GAREM2: variants seen among roughly 807,000 people sequenced by gnomAD.
GAREM2 encodes the protein GRB2 associated regulator of MAPK1 subtype 2.
GAREM2 carries 30 observed loss-of-function variants against 55.6 expected under a neutral mutation model. The observed-to-expected ratio is 0.54, with a 90% confidence interval of 0.40 to 0.73. GAREM2 has a LOEUF of 0.73. Ranked by LOEUF, GAREM2 falls within the 30% of genes least tolerant of loss-of-function variation. The pLI, the probability that GAREM2 is intolerant of heterozygous loss-of-function variation, is 0.00. For missense variants in GAREM2, 1,075 were observed against 1,257.7 expected (o/e 0.85, Z 2.20); for synonymous variants, 550 against 569.1 (o/e 0.97, Z 0.48).
chr2:26,194,898 T>C, the GAREM2 span, among the ~76,000 whole-genome samples: 1 of 151,894 alleles, frequency 6.6e-6, no homozygotes, highest in Non-Finnish European at 1.5e-5. Context: ...CCCTGCCACA[T>C]CCTAGATACT....
In GAREM2 at chr2:26,189,130, A is replaced by G. The variant is rs1215570918; in HGVS notation, c.*873A>G. Reference sequence around the variant, plus strand: ...AGCAAGCGGTAGTCAACCACCTCCAATTCCGCCAATCTCTTGCCCCCATCA... The same window carrying G: ...AGCAAGCGGTAGTCAACCACCTCCAGTTCCGCCAATCTCTTGCCCCCATCA... On this transcript the variant is annotated 3_prime_UTR_variant, in exon 6 of 6. Transcript: ENST00000401533. The G allele has an allele frequency of 1.3e-5, 2 of 152,176 alleles. No homozygotes were observed. Among genetic ancestry groups the G allele is most frequent in the East Asian group, 1.9e-4 (1 of 5,200 alleles). The allele number at this position is 152,176 out of a possible 1,614,324, so 9.4% of individuals were successfully genotyped here. A position where few individuals can be genotyped will look rare whatever the true frequency, so the allele number is the denominator to read the frequency against.
the GAREM2 span, chr2:26,195,116 C>G: frequency 4.3e-6 from 7 of 1,613,506 alleles, no homozygotes; most frequent in Admixed American, 6.7e-5. Context: ...TGACCTTCCC[C>G]TGCTTGAGAC....
chr2:26,176,250 C>T (rs990588923), intron 1 of GAREM2, 94 bp from the exon 2 acceptor site: 48 of 1,219,396 alleles, frequency 3.9e-5, no homozygotes, highest in Admixed American at 1.4e-4. Context: ...CTCAGGGGGG[C>T]GGTCTTGGTG....
the GAREM2 span, chr2:26,197,646 T>C: frequency 1.1e-6 from 1 of 877,704 alleles, no homozygotes; most frequent in Admixed American, 1.7e-5. Context: ...TCAGTGAATC[T>C]GAAGCAATAA....
In GAREM2 at chr2:26,189,284, G is replaced by A. The variant is rs1169301269; in HGVS notation, c.*1027G>A. The A allele has an allele frequency of 6.6e-6, 1 of 152,120 alleles. No homozygotes were observed. Among genetic ancestry groups the A allele is most frequent in the Non-Finnish European group, 1.5e-5 (1 of 68,054 alleles). 9.4% of individuals were successfully genotyped at this position (152,120 alleles called of 1,614,324 possible). A position where few individuals can be genotyped will look rare whatever the true frequency, so the allele number is the denominator to read the frequency against. Reference sequence around the variant, plus strand: ...CACGTGCCTCACAGCAGGCCTTTGTGCCCTTGAATCTCAAACATGGGGATC... The same window carrying A: ...CACGTGCCTCACAGCAGGCCTTTGTACCCTTGAATCTCAAACATGGGGATC... On this transcript the variant is annotated 3_prime_UTR_variant, in exon 6 of 6. Transcript: ENST00000401533.
chr2:26,179,210 C>A lies in GAREM2; in HGVS notation c.253+2726C>A, dbSNP rs1286103148. Among the ~76,000 whole-genome samples, 1 of 151,726 alleles carries A rather than the reference C, an allele frequency of 6.6e-6. No homozygotes were observed. The highest frequency in any genetic ancestry group is 2.4e-5 in the African/African-American group (1 of 41,322). On this transcript the variant is annotated intron_variant, in intron 2 of 5. Transcript: ENST00000401533. The surrounding 1 kb of genome is among the most constrained non-coding windows in gnomAD (Gnocchi z 4.7). Reference sequence around the variant, plus strand: ...CCCCCGTCCCAGCCCCCGCCCCTGGCCCTGCGGGAGGGGCCAGGCGTCTTC... The same window carrying A: ...CCCCCGTCCCAGCCCCCGCCCCTGGACCTGCGGGAGGGGCCAGGCGTCTTC...
Position 26,187,654 on chromosome 2 carries a change from C to G in GAREM2, c.2022C>G (p.Ala674=). Residue 674 remains alanine, a synonymous_variant, in exon 6 of 6, where the codon GCC becomes GCG. Coordinates refer to ENST00000401533, the MANE Select transcript of GAREM2 (RefSeq NM_001168241.2). ...YSPGPASPGQ[A]YSAAPPSSCA... ...CAGGCCCAGCCTCGCCAGGCCAGGC[C>G]TATTCAGCTGCTCCCCCCTCCTCCT... 1 of 1,540,708 alleles carries G rather than the reference C, an allele frequency of 6.5e-7. No individual in the cohort carries two copies. Among genetic ancestry groups the G allele is most frequent in the Middle Eastern group, 1.7e-4 (1 of 5,944 alleles).
At chr2:26,202,549 T>C in the GAREM2 span, among the ~76,000 whole-genome samples, 5 of 152,184 alleles carry the variant, frequency 3.3e-5, no homozygotes, top group African/African-American at 9.7e-5. Context: ...AAGACAAGCC[T>C]AACCAACATG....
chr2:26,200,170 C>T, the GAREM2 span, among the ~76,000 whole-genome samples: 31 of 152,230 alleles, frequency 2.0e-4, no homozygotes, highest in African/African-American at 7.0e-4. Context: ...TATTTTGAGA[C>T]GGAGTTTTGC....
Position 26,182,957 on chromosome 2 carries a change from C to G in GAREM2, c.254-10C>G, listed in dbSNP as rs969244451. ...GCCCACTCCAGCAACTTTTGTCACC[C>G]ACTATGCAGGGAAGTTCAAGCTCCT... On this transcript the variant is annotated splice_polypyrimidine_tract_variant and intron_variant, in intron 2 of 5. Coordinates refer to ENST00000401533, the MANE Select transcript of GAREM2 (RefSeq NM_001168241.2). 2 of 1,551,252 alleles carry G rather than the reference C, an allele frequency of 1.3e-6. No homozygotes were observed. Among genetic ancestry groups the G allele is most frequent in the African/African-American group, 2.7e-5 (2 of 73,040 alleles).
In GAREM2 at chr2:26,188,339, C is replaced by A; in HGVS notation, c.*82C>A. 1 of 1,084,752 alleles carries A rather than the reference C, an allele frequency of 9.2e-7. No homozygotes were observed. The allele number at this position is 1,084,752 out of a possible 1,614,324, so 67.2% of individuals were successfully genotyped here. On this transcript the variant is annotated 3_prime_UTR_variant, in exon 6 of 6. Coordinates refer to ENST00000401533, the MANE Select transcript of GAREM2 (RefSeq NM_001168241.2). Reference sequence around the variant, plus strand: ...ACTCCGGAGGAGCAGGTGCTGCCTGCAAGAAGGATCTATGTCGAGACTGAG... The same window carrying A: ...ACTCCGGAGGAGCAGGTGCTGCCTGAAAGAAGGATCTATGTCGAGACTGAG...
At chr2:26,178,344 T>C (rs895725868) in intron 2 of GAREM2, among the ~76,000 whole-genome samples, 1 of 152,156 alleles carries the variant, frequency 6.6e-6, no homozygotes, top group African/African-American at 2.4e-5. Context: ...GGAGGCTCCT[T>C]TGAGGCCAGG....
downstream of GAREM2, among the ~76,000 whole-genome samples, chr2:26,193,293 C>CTT (rs370942158): frequency 0.61 from 69,754 of 115,020 alleles, 23,066 homozygotes; most frequent in Non-Finnish European, 0.68. Context: ...CACATGACAT[C>CTT]TTTTTTTTTT....
chr2:26,204,038 TGCAAAGAGAGAGA>T, the GAREM2 span: 1 of 1,612,086 alleles, frequency 6.2e-7, no homozygotes, highest in Non-Finnish European at 8.5e-7. Flanking sequence ...TTCTAACTCT[TGCAAAGAGAGAGA>T]GCAGGCTTAC....
chr2:26,184,391 C>T lies in GAREM2; in HGVS notation c.543C>T (p.Ala181=). ...CCCTCCTGCGAAAGCTGGGCCGGGC[C>T]GGGGCGCTGGCCGGGGTGGGCGGCG... ...FTTLLRKLGR[A]GALAGVGGGG... Residue 181 remains alanine, a synonymous_variant, in exon 4 of 6, where the codon GCC becomes GCT. Coordinates refer to ENST00000401533, the MANE Select transcript of GAREM2 (RefSeq NM_001168241.2). 1 of 1,529,176 alleles carries T rather than the reference C, an allele frequency of 6.5e-7. No individual in the cohort carries two copies. The highest frequency in any genetic ancestry group is 8.8e-7 in the Non-Finnish European group (1 of 1,136,200). The allele number at this position is 1,529,176 out of a possible 1,614,324, so 94.7% of individuals were successfully genotyped here.
the GAREM2 span, chr2:26,195,317 GA>G: frequency 8.7e-7 from 1 of 1,149,666 alleles, no homozygotes; most frequent in African/African-American, 1.5e-5. Context: ...GAAAACACTA[GA>G]AAGAAAGGTG....
chr2:26,188,167 T>C lies in GAREM2; in HGVS notation c.2535T>C (p.Ser845=), dbSNP rs1669356550. ...ATGGTAGCATCTTTGTGCAGCTCAGTGAGGACATCCTGGCAGATGACTTCC... is the reference window on the plus strand; with the variant it reads ...ATGGTAGCATCTTTGTGCAGCTCAGCGAGGACATCCTGGCAGATGACTTCC... ...RIDGSIFVQL[S]EDILADDFHL... The change falls in exon 6 of 6, where the codon AGT becomes AGC. Residue 845 remains serine (S), a synonymous_variant. Transcript: ENST00000401533. The C allele has an allele frequency of 2.6e-6, 4 of 1,549,770 alleles. No homozygotes were observed. In the South Asian group the frequency reaches 3.6e-5, roughly 14 times the overall value.
At chr2:26,196,782 C>T in the GAREM2 span, among the ~76,000 whole-genome samples, 34 of 152,270 alleles carry the variant, frequency 2.2e-4, 1 homozygote, top group South Asian at 5.8e-3. Flanking sequence ...TGAACAGCAA[C>T]GGCATCGCCT....
At chr2:26,201,826 G>A in the GAREM2 span, among the ~76,000 whole-genome samples, 4 of 150,748 alleles carry the variant, frequency 2.7e-5, no homozygotes, top group African/African-American at 4.9e-5. Context: ...ACGGAGTCTC[G>A]CTCTGTTGCC....
Sources: allele counts gnomAD v4.1 joint callset (sites outside exome capture counted in the v4.1 genomes callset), GRCh38; gene constraint gnomAD v4.1.1; non-coding constraint Gnocchi (gnomAD v3.1); transcripts MANE v1.5; gene names NCBI Gene and HGNC (gene_info 2026-07-23, HGNC 2026-07-21).